CHD9NB: variants seen among roughly 807,000 people sequenced by gnomAD.
CHD9NB encodes CHD9 neighbor protein.
the CHD9NB span, among the ~76,000 whole-genome samples, chr16:53,048,214 G>A: frequency 6.6e-6 from 1 of 152,078 alleles, no homozygotes; most frequent in African/African-American, 2.4e-5. Context: ...GACCAGCCTG[G>A]TCAAAATGGT....
the CHD9NB span, among the ~76,000 whole-genome samples, chr16:53,045,644 C>T: frequency 1.3e-5 from 2 of 152,222 alleles, no homozygotes; most frequent in African/African-American, 2.4e-5. Flanking sequence ...ATGCACACAG[C>T]AGTCAAAGGT....
the CHD9NB span, chr16:53,044,227 T>C: frequency 5.0e-6 from 2 of 398,262 alleles, no homozygotes; most frequent in African/African-American, 2.1e-5. Flanking sequence ...GCCTTCCTCC[T>C]TGGGGGCCAG....
the CHD9NB span, among the ~76,000 whole-genome samples, chr16:53,051,763 GTATAAATATATATATATATATATATATA>G: frequency 2.3e-5 from 2 of 87,202 alleles, no homozygotes; most frequent in African/African-American, 1.3e-4. Context: ...CAACTTAAAA[GTATAAATATATATATATATATATATATA>G]TATATATATA....
chr16:53,041,374 C>T, the CHD9NB span, among the ~76,000 whole-genome samples: 8 of 152,234 alleles, frequency 5.3e-5, no homozygotes. Context: ...TAAAAGGAAA[C>T]TGAGTACTTT....
At chr16:53,047,049 T>A in the CHD9NB span, among the ~76,000 whole-genome samples, 1 of 152,158 alleles carries the variant, frequency 6.6e-6, no homozygotes, top group Non-Finnish European at 1.5e-5. Context: ...AACCCAAAGA[T>A]GGATGGGACC....
At chr16:53,041,294 T>C in the CHD9NB span, among the ~76,000 whole-genome samples, 1 of 152,256 alleles carries the variant, frequency 6.6e-6, no homozygotes, top group Admixed American at 6.5e-5. Flanking sequence ...CCAGGCACTT[T>C]AGAAATTCTC....
chr16:53,041,387 T>C, the CHD9NB span, among the ~76,000 whole-genome samples: 13 of 152,272 alleles, frequency 8.5e-5, no homozygotes, highest in Non-Finnish European at 1.8e-4. Flanking sequence ...AGTACTTTTT[T>C]CTGTTAGAGA....
the CHD9NB span, among the ~76,000 whole-genome samples, chr16:53,049,896 T>C: frequency 1.4e-4 from 21 of 152,190 alleles, no homozygotes; most frequent in Non-Finnish European, 1.5e-5. Context: ...ATCTGTAAGA[T>C]GTAATTAATA....
chr16:53,046,171 G>A, the CHD9NB span, among the ~76,000 whole-genome samples: 1 of 152,066 alleles, frequency 6.6e-6, no homozygotes, highest in Non-Finnish European at 1.5e-5. Flanking sequence ...CCCTGTTTGA[G>A]GCAAATCCTT....
the CHD9NB span, chr16:53,044,265 TGTTGAAAAGAGCCA>T: frequency 2.5e-6 from 1 of 397,426 alleles, no homozygotes; most frequent in Non-Finnish European, 4.4e-6. Context: ...CTTGCAGCAC[TGTTGAAAAGAGCCA>T]GTTCCGTTTC....
the CHD9NB span, among the ~76,000 whole-genome samples, chr16:53,041,930 G>A: frequency 6.6e-6 from 1 of 152,180 alleles, no homozygotes; most frequent in African/African-American, 2.4e-5. Flanking sequence ...ACAGGGCAGG[G>A]CTTTGGGCCA....
chr16:53,045,580 G>A, the CHD9NB span, among the ~76,000 whole-genome samples: 16 of 152,160 alleles, frequency 1.1e-4, no homozygotes, highest in Non-Finnish European at 1.6e-4. Context: ...GGAGGGTCAC[G>A]CAGGACTGTG....
chr16:53,042,501 T>TC, the CHD9NB span, among the ~76,000 whole-genome samples: 25 of 140,960 alleles, frequency 1.8e-4, no homozygotes, highest in Admixed American at 7.2e-5. Context: ...TTCTCTCCCT[T>TC]CCCCCCTCCT....
At chr16:53,038,641 G>A in the CHD9NB span, among the ~76,000 whole-genome samples, 1 of 152,178 alleles carries the variant, frequency 6.6e-6, no homozygotes, top group Non-Finnish European at 1.5e-5. Flanking sequence ...GTGAGCCACT[G>A]CGCCCAGTCT....
At chr16:53,036,793 G>C in the CHD9NB span, among the ~76,000 whole-genome samples, 1 of 152,210 alleles carries the variant, frequency 6.6e-6, no homozygotes, top group Non-Finnish European at 1.5e-5. Flanking sequence ...CTAAGCCAAT[G>C]AGAATTCCTG....
At chr16:53,050,581 C>G in the CHD9NB span, among the ~76,000 whole-genome samples, 2 of 152,190 alleles carry the variant, frequency 1.3e-5, no homozygotes, top group African/African-American at 2.4e-5. Context: ...AGTTCATCTG[C>G]TATTACACTT....
the CHD9NB span, among the ~76,000 whole-genome samples, chr16:53,052,191 C>CAAAAAAAAAAAAA: frequency 8.4e-6 from 1 of 118,698 alleles, no homozygotes. Context: ...CCAGCCTGAG[C>CAAAAAAAAAAAAA]AACATAAAAA....
chr16:53,049,299 G>A, the CHD9NB span, among the ~76,000 whole-genome samples: 24 of 150,964 alleles, frequency 1.6e-4, no homozygotes, highest in African/African-American at 5.4e-4. Flanking sequence ...AGAACTACAG[G>A]CGTGTGCCAC....
At chr16:53,042,473 T>TC in the CHD9NB span, among the ~76,000 whole-genome samples, 1 of 145,950 alleles carries the variant, frequency 6.9e-6, no homozygotes, top group Non-Finnish European at 1.5e-5. Flanking sequence ...CTTCTCCCTC[T>TC]CCCTACCTCT....
Sources: allele counts gnomAD v4.1 joint callset (sites outside exome capture counted in the v4.1 genomes callset), GRCh38; gene constraint gnomAD v4.1.1; transcripts MANE v1.5; gene names NCBI Gene and HGNC (gene_info 2026-07-23, HGNC 2026-07-21).